The following MCPH1 variants were observed in gnomAD, a reference collection of about 807,000 sequenced individuals.
MCPH1 encodes the protein microcephalin 1.
Under a neutral mutation model 84.5 loss-of-function variants are expected in MCPH1, and 104 were observed. That is an observed-to-expected ratio of 1.23 (90% CI 1.05 to 1.45). The LOEUF (loss-of-function observed/expected upper bound fraction) is 1.45, where lower values mean the gene tolerates loss of function less well. Among genes scored for constraint, MCPH1 ranks in the 40% most tolerant of loss-of-function variants. The pLI is 0.00. For synonymous variants in MCPH1, 514 were observed against 366.8 expected (o/e 1.40, Z -4.58); for missense variants, 1,498 against 1,005.7 (o/e 1.49, Z -6.62).
intron 4 of MCPH1, among the ~76,000 whole-genome samples, chr8:6,434,352 C>G (rs1265392747): frequency 6.6e-6 from 1 of 152,180 alleles, no homozygotes; most frequent in African/African-American, 2.4e-5. Flanking sequence ...AATCCTTCAT[C>G]TCACTACTCA....
At chr8:6,424,071 T>G (rs948567558) in intron 3 of MCPH1, among the ~76,000 whole-genome samples, 1 of 152,198 alleles carries the variant, frequency 6.6e-6, no homozygotes, top group African/African-American at 2.4e-5. Flanking sequence ...GAACATTAAC[T>G]TCATAAGGTC....
chr8:6,521,688 A>T (rs1183311398), intron 12 of MCPH1, among the ~76,000 whole-genome samples: 7 of 152,312 alleles, frequency 4.6e-5, no homozygotes, highest in African/African-American at 1.4e-4. Context: ...GATAGGTGGG[A>T]TATGGGTGTT....
At chr8:6,503,811 G>A (rs1812681388) in intron 12 of MCPH1, among the ~76,000 whole-genome samples, 1 of 152,206 alleles carries the variant, frequency 6.6e-6, no homozygotes, top group African/African-American at 2.4e-5. Flanking sequence ...CTCAGCTAAA[G>A]CCAGGGCAGG....
intron 13 of MCPH1, chr8:6,626,852 G>C: frequency 1.0e-6 from 1 of 985,096 alleles, no homozygotes; most frequent in Non-Finnish European, 1.2e-6. Flanking sequence ...TATCACGAAA[G>C]GCTGGCTTGG....
At position 6,477,471 on chromosome 8, in the gene MCPH1, T is replaced by A. The variant is rs1039807801; in HGVS notation, c.1936-123T>A. ...ATAAAGGTTTTTTTTCTTTGACATA[T>A]GCTTAAATGTTTATTTTTAAGTGAT... On this transcript the variant is annotated intron_variant, in intron 9 of 13. Coordinates refer to ENST00000344683, the MANE Select transcript of MCPH1 (RefSeq NM_024596.5). 4.5e-5 allele frequency: 38 copies of A among 843,288 alleles called. No homozygotes were observed. The African/African-American group carries it at 6.3e-4, about 14-fold the overall frequency. 52.2% of individuals were successfully genotyped at this position (843,288 alleles called of 1,614,324 possible).
In MCPH1 at chr8:6,634,624, T is replaced by C. The variant is rs895639778; in HGVS notation, c.2453-8370T>C. Among the ~76,000 whole-genome samples, 4 of 152,224 alleles carry C rather than the reference T, an allele frequency of 2.6e-5. No individual in the cohort carries two copies. The South Asian group carries it at 6.2e-4, about 24-fold the overall frequency. On this transcript the variant is annotated intron_variant, in intron 13 of 13. Coordinates refer to ENST00000344683, the MANE Select transcript of MCPH1 (RefSeq NM_024596.5). Reference sequence around the variant, plus strand: ...CCATTATTATGCTAACAAAAAGGCATAGATCACCAGGGACATCTTTTCTGA... The same window carrying C: ...CCATTATTATGCTAACAAAAAGGCACAGATCACCAGGGACATCTTTTCTGA...
chr8:6,567,258 G>A (rs1025867048), intron 12 of MCPH1, among the ~76,000 whole-genome samples: 1 of 151,832 alleles, frequency 6.6e-6, no homozygotes, highest in African/African-American at 2.4e-5. Context: ...CATGCAGTGC[G>A]GTGACCGTGT....
At chr8:6,628,165 T>C (rs1348954956) in intron 13 of MCPH1, among the ~76,000 whole-genome samples, 1 of 152,024 alleles carries the variant, frequency 6.6e-6, no homozygotes, top group East Asian at 1.9e-4. Context: ...GCATCAGAGA[T>C]GTAAACATTT....
intron 3 of MCPH1, among the ~76,000 whole-genome samples, chr8:6,421,179 A>G (rs1339115340): frequency 6.6e-6 from 1 of 152,212 alleles, no homozygotes; most frequent in Non-Finnish European, 1.5e-5. Context: ...CTTAATGTGC[A>G]TGCCCGGGAA....
intron 9 of MCPH1, among the ~76,000 whole-genome samples, chr8:6,456,282 C>G (rs1805667219): frequency 6.6e-6 from 1 of 152,192 alleles, no homozygotes; most frequent in Non-Finnish European, 1.5e-5. Context: ...AAGGCACCTG[C>G]TCTACAATGG....
chr8:6,433,216 A>G (rs1802097087), intron 4 of MCPH1, among the ~76,000 whole-genome samples: 1 of 152,206 alleles, frequency 6.6e-6, no homozygotes, highest in Non-Finnish European at 1.5e-5. Context: ...GTTTTTGCTA[A>G]GTATATTACT....
In MCPH1 at chr8:6,439,029, G is replaced by T. The variant is rs2442513; in HGVS notation, c.513G>T (p.Arg171Ser). 1,569,728 of 1,612,852 alleles carry T rather than the reference G, an allele frequency of 0.97. 765,580 individuals are homozygous for T. The highest frequency in any genetic ancestry group is 0.99 in the East Asian group (44,501 of 44,840). ...CTCCCACAATTGAAATTAATAGTAG[G>T]CACCACAGCGCAATGGAGAAGAGAT... is the stretch of plus-strand genomic sequence containing the variant. ...IYTPTIEINS[R>S]HHSAMEKRLQ... Residue 171 changes from arginine (R) to serine (S), a missense_variant, in exon 6 of 14, where the codon AGG becomes AGT. Physicochemically the swap from Arg to Ser is moderately radical, Grantham distance 110 (BLOSUM62 -1). Transcript: ENST00000344683.
Position 6,505,839 on chromosome 8 carries a change from AT to A in MCPH1, c.2214+5912del, listed in dbSNP as rs1001506345. Among the ~76,000 whole-genome samples, 3 of 139,614 alleles carry A rather than the reference AT, an allele frequency of 2.1e-5. No individual in the cohort carries two copies. The Admixed American group carries it at 2.2e-4, about 10-fold the overall frequency. The allele number at this position is 139,614 out of a possible 152,430, so 91.6% of individuals were successfully genotyped here. A position where few individuals can be genotyped will look rare whatever the true frequency, so the allele number is the denominator to read the frequency against. ...TATATGTATATATAAAAACATGCAT[AT>A]TCTTTATATATGTATATATAAAAAC... On this transcript the variant is annotated intron_variant, in intron 12 of 13. Coordinates refer to ENST00000344683, the MANE Select transcript of MCPH1 (RefSeq NM_024596.5).
intron 13 of MCPH1, chr8:6,626,384 C>A: frequency 1.0e-6 from 1 of 985,104 alleles, no homozygotes; most frequent in African/African-American, 1.7e-5. Flanking sequence ...AGTCTTTTTT[C>A]CCTGAAACTG....
At chr8:6,432,401 G>A (rs991888316) in intron 4 of MCPH1, among the ~76,000 whole-genome samples, 3 of 151,882 alleles carry the variant, frequency 2.0e-5, no homozygotes, top group African/African-American at 7.3e-5. Context: ...TTCCAATCGC[G>A]ACTGGTTGAA....
chr8:6,533,046 T>TC (rs1375893010), intron 12 of MCPH1, among the ~76,000 whole-genome samples: 1 of 152,244 alleles, frequency 6.6e-6, no homozygotes, highest in African/African-American at 2.4e-5. Context: ...TGTGGGGTCT[T>TC]CCCCACCTTC....
At chr8:6,481,562 C>A (rs115296344) in intron 11 of MCPH1, among the ~76,000 whole-genome samples, 4 of 152,154 alleles carry the variant, frequency 2.6e-5, no homozygotes, top group Non-Finnish European at 5.9e-5. Flanking sequence ...TATCCGTCTT[C>A]CCTCCTCCTC....
At position 6,477,631 on chromosome 8, in the gene MCPH1, A is replaced by G; in HGVS notation, c.1973A>G (p.Glu658Gly). 1 of 1,611,982 alleles carries G rather than the reference A, an allele frequency of 6.2e-7. No homozygotes were observed. Among genetic ancestry groups the G allele is most frequent in the Non-Finnish European group, 8.5e-7 (1 of 1,178,360 alleles). Residue 658 changes from glutamate (E) to glycine (G), a missense_variant and splice_region_variant, in exon 10 of 14, where the codon GAA (glutamate) becomes GGA (glycine). Coordinates refer to ENST00000344683, the MANE Select transcript of MCPH1 (RefSeq NM_024596.5). ...RTLVMTSMPS[E>G]KQNVVIQVVD... Reference sequence around the variant, plus strand: ...TTAGTCATGACAAGCATGCCATCTGAGTAAGTACTTGTTTTGATTTCTGTT... The same window carrying G: ...TTAGTCATGACAAGCATGCCATCTGGGTAAGTACTTGTTTTGATTTCTGTT...
At chr8:6,466,324 G>A (rs2129558019) in intron 9 of MCPH1, among the ~76,000 whole-genome samples, 1 of 147,810 alleles carries the variant, frequency 6.8e-6, no homozygotes, top group Admixed American at 6.7e-5. Flanking sequence ...TTTTGAGATG[G>A]AGTCTTGGAG....
Sources: gnomAD v4.1 joint callset for allele counts (sites outside exome capture counted in the v4.1 genomes callset) on GRCh38, gnomAD v4.1.1 for gene constraint, MANE v1.5 for transcripts, NCBI Gene and HGNC (gene_info 2026-07-23, HGNC 2026-07-21) for gene names.